Variants in DGKB observed in about 807,000 individuals in gnomAD.
The protein encoded by DGKB is 90 kDa diacylglycerol kinase.
DGKB carries 67 observed loss-of-function variants against 114.3 expected under a neutral mutation model. The ratio of observed to expected loss-of-function variants is 0.59; its 90% CI spans 0.48 to 0.72. DGKB has a LOEUF of 0.72. Among genes scored for constraint, DGKB ranks in the 30% least tolerant of loss-of-function variants. The pLI, the probability that DGKB is intolerant of heterozygous loss-of-function variation, is 0.00. For missense variants in DGKB, 907 were observed against 975.2 expected, an observed-to-expected ratio of 0.93 and a Z score of 0.93; for synonymous variants, 398 against 323.1, an observed-to-expected ratio of 1.23 and a Z score of -2.49.
chr7:14,806,508 AATT>A (rs34450119), intron 2 of DGKB, among the ~76,000 whole-genome samples: 12,779 of 152,084 alleles, frequency 0.084, 717 homozygotes, highest in East Asian at 0.24. Context: ...GGCAATTAAT[AATT>A]ATTCTCTATT....
At chr7:14,489,043 A>G (rs1338739555) in intron 20 of DGKB, among the ~76,000 whole-genome samples, 1 of 152,158 alleles carries the variant, frequency 6.6e-6, no homozygotes, top group Non-Finnish European at 1.5e-5. Flanking sequence ...GAATTAATCT[A>G]CTTCCCTAAG....
rs573839187 is a variant in DGKB, at chr7:14,290,362, A to G, written c.2122+48153T>C. 7.3e-4 allele frequency among the ~76,000 whole-genome samples: 111 copies of G among 152,238 alleles called. 1 individual carries two copies. Among genetic ancestry groups the G allele is most frequent in the African/African-American group, 2.2e-3 (91 of 41,526 alleles). On this transcript the variant is annotated intron_variant, in intron 23 of 25. Coordinates refer to ENST00000402815, the MANE Select transcript of DGKB (RefSeq NM_001350709.2). ...CTTATCTAGTGTAGACTTCACTTAT[A>G]GCCTGAAAGCCTATAAATTATGAGA...
intron 1 of DGKB, chr7:14,974,589 G>A (rs547700186): frequency 5.3e-5 from 8 of 151,964 alleles, no homozygotes; most frequent in Admixed American, 4.6e-4. Context: ...AAAGAGAAGG[G>A]CATTTATTCC....
At chr7:14,724,811 C>T (rs1036221885) in intron 5 of DGKB, among the ~76,000 whole-genome samples, 5 of 152,154 alleles carry the variant, frequency 3.3e-5, no homozygotes, top group African/African-American at 1.2e-4. Context: ...TCATCTCATT[C>T]CAAACTTTGG....
At chr7:14,437,616 C>T (rs1486796647) in intron 21 of DGKB, among the ~76,000 whole-genome samples, 1 of 151,836 alleles carries the variant, frequency 6.6e-6, no homozygotes, top group Non-Finnish European at 1.5e-5. Flanking sequence ...ATGTTTTCAA[C>T]TAAGATAATT....
At chr7:14,901,771 T>A (rs184350877) in intron 1 of DGKB, among the ~76,000 whole-genome samples, 1 of 152,166 alleles carries the variant, frequency 6.6e-6, no homozygotes, top group Non-Finnish European at 1.5e-5. Flanking sequence ...TCATTTGCTT[T>A]ACAATGGACT....
intron 20 of DGKB, among the ~76,000 whole-genome samples, chr7:14,537,593 A>G (rs1748240731): frequency 6.6e-6 from 1 of 152,194 alleles, no homozygotes. Flanking sequence ...CTCCAAAAGA[A>G]TGAAATCAGA....
intron 2 of DGKB, among the ~76,000 whole-genome samples, chr7:14,775,215 AAT>A (rs371148846): frequency 6.6e-6 from 1 of 151,186 alleles, no homozygotes. Context: ...TTTTCATGTT[AAT>A]ATATATATAT....
At chr7:14,866,186 T>C (rs1851683901) in intron 1 of DGKB, among the ~76,000 whole-genome samples, 1 of 152,100 alleles carries the variant, frequency 6.6e-6, no homozygotes, top group South Asian at 2.1e-4. Flanking sequence ...CCCATATACA[T>C]CCCTAGCTTC....
intron 21 of DGKB, among the ~76,000 whole-genome samples, chr7:14,456,290 C>G (rs1361481471): frequency 6.6e-6 from 1 of 151,910 alleles, no homozygotes; most frequent in African/African-American, 2.4e-5. Context: ...TAGTTAGGAT[C>G]CCAAGCATTT....
At chr7:14,661,829 G>C (rs1401582418) in intron 13 of DGKB, among the ~76,000 whole-genome samples, 1 of 152,064 alleles carries the variant, frequency 6.6e-6, no homozygotes, top group Non-Finnish European at 1.5e-5. Flanking sequence ...TGATAGACTG[G>C]ATTAAGAAAA....
chr7:14,312,514 G>C (rs977126270), intron 23 of DGKB, among the ~76,000 whole-genome samples: 6 of 152,178 alleles, frequency 3.9e-5, no homozygotes, highest in Non-Finnish European at 1.5e-5. Context: ...TGATGAAGCA[G>C]TAAAAATTTT....
chr7:14,261,416 A>G (rs1182731828), intron 23 of DGKB, among the ~76,000 whole-genome samples: 1 of 152,146 alleles, frequency 6.6e-6, no homozygotes, highest in Non-Finnish European at 1.5e-5. Flanking sequence ...CCAAGCAAAT[A>G]CAATATTCTC....
intron 23 of DGKB, among the ~76,000 whole-genome samples, chr7:14,235,578 A>T (rs1277619350): frequency 6.6e-6 from 1 of 152,076 alleles, no homozygotes; most frequent in Non-Finnish European, 1.5e-5. Flanking sequence ...GTAGTTTTGT[A>T]AATAAAAATG....
At chr7:14,344,675 T>C (rs979310219) in intron 22 of DGKB, among the ~76,000 whole-genome samples, 2 of 151,138 alleles carry the variant, frequency 1.3e-5, no homozygotes, top group Non-Finnish European at 3.0e-5. Context: ...TTTTCTTTTA[T>C]AATATTTCTC....
chr7:14,851,205 T>C (rs999284240), intron 1 of DGKB, among the ~76,000 whole-genome samples: 50 of 152,152 alleles, frequency 3.3e-4, no homozygotes, highest in African/African-American at 1.2e-3. Context: ...CATAATTGTG[T>C]TATTTTTGGA....
At chr7:14,343,357 CT>C (rs2128587660) in intron 22 of DGKB, among the ~76,000 whole-genome samples, 1 of 151,872 alleles carries the variant, frequency 6.6e-6, no homozygotes, top group African/African-American at 2.4e-5. Flanking sequence ...TAACTTAGTT[CT>C]AGTAGCCCAG....
chr7:14,934,333 G>C (rs962731026), intron 1 of DGKB, among the ~76,000 whole-genome samples: 1 of 152,240 alleles, frequency 6.6e-6, no homozygotes, highest in East Asian at 1.9e-4. Context: ...TTTTTGTGTT[G>C]ATGGTCTAAA....
intron 13 of DGKB, among the ~76,000 whole-genome samples, chr7:14,642,236 A>G (rs977284171): frequency 6.6e-6 from 1 of 152,126 alleles, no homozygotes; most frequent in Non-Finnish European, 1.5e-5. Flanking sequence ...ATTATAAAGT[A>G]AATGTTTTCT....
Sources: allele counts gnomAD v4.1 joint callset (sites outside exome capture counted in the v4.1 genomes callset), GRCh38; gene constraint gnomAD v4.1.1; transcripts MANE v1.5; gene names NCBI Gene and HGNC (gene_info 2026-07-23, HGNC 2026-07-21).